Variants in CTNNA3 observed in about 807,000 individuals in gnomAD.
The protein encoded by CTNNA3 is catenin alpha-3.
A neutral mutation model predicts 95.7 loss-of-function variants in CTNNA3; 76 were observed. The observed-to-expected ratio is 0.79, with a 90% CI of 0.66 to 0.96. The LOEUF is 0.96. Ranked by LOEUF, CTNNA3 falls within the 40% of genes least tolerant of loss-of-function variation. The pLI is 0.00. For missense variants in CTNNA3, 1,191 were observed against 1,089.8 expected, an observed-to-expected ratio of 1.09 and a Z score of -1.31; for synonymous variants, 431 against 374.4, an observed-to-expected ratio of 1.15 and a Z score of -1.74.
chr10:66,361,611 C>T (rs148330140), intron 12 of CTNNA3, among the ~76,000 whole-genome samples: 2,203 of 151,416 alleles, frequency 0.015, 20 homozygotes, highest in Non-Finnish European at 0.02. Flanking sequence ...AATCTTGGCT[C>T]ACTGCAACCT....
intron 17 of CTNNA3, among the ~76,000 whole-genome samples, chr10:65,933,273 A>G (rs984841609): frequency 2.0e-5 from 3 of 152,166 alleles, no homozygotes; most frequent in Non-Finnish European, 2.9e-5. Flanking sequence ...AAGAGCCATA[A>G]TTTGATAGTA....
chr10:67,696,822 T>A (rs1355878943), upstream of CTNNA3, among the ~76,000 whole-genome samples: 1 of 152,158 alleles, frequency 6.6e-6, no homozygotes. Context: ...TATCTTCACA[T>A]CCACTGAAAC....
intron 15 of CTNNA3, among the ~76,000 whole-genome samples, chr10:66,046,647 G>A (rs569048431): frequency 6.6e-5 from 10 of 151,234 alleles, no homozygotes; most frequent in Middle Eastern, 3.4e-3. Context: ...ATCAAGACAC[G>A]CAAAAAATTC....
chr10:66,915,512 A>G lies in CTNNA3; in HGVS notation c.1048-139988T>C, dbSNP rs1031432419. Among the ~76,000 whole-genome samples, 3 of 152,098 alleles carry G rather than the reference A, an allele frequency of 2.0e-5. No homozygotes were observed. The East Asian group carries it at 5.8e-4, about 30-fold the overall frequency. On this transcript the variant is annotated intron_variant, in intron 7 of 17. Transcript: ENST00000433211. ...AAAATCTATTAGTGGAAGGTGCTTC[A>G]ACAAAATGAGTGGTAAACTAAGAAA...
intron 13 of CTNNA3, among the ~76,000 whole-genome samples, chr10:66,162,139 C>T (rs1589601205): frequency 6.6e-6 from 1 of 151,810 alleles, no homozygotes; most frequent in African/African-American, 2.4e-5. Context: ...TTGCATTGGG[C>T]TTTGCCTTTC....
At chr10:67,050,164 C>T (rs1201524945) in intron 7 of CTNNA3, among the ~76,000 whole-genome samples, 1 of 152,174 alleles carries the variant, frequency 6.6e-6, no homozygotes, top group Non-Finnish European at 1.5e-5. Flanking sequence ...GCACATAGTG[C>T]ATGCAGAATG....
At chr10:66,990,035 C>A (rs1045827406) in intron 7 of CTNNA3, among the ~76,000 whole-genome samples, 8 of 152,110 alleles carry the variant, frequency 5.3e-5, no homozygotes, top group Admixed American at 5.2e-4. Context: ...AATAATAATC[C>A]TTGCATAAAA....
In CTNNA3 at chr10:67,137,250, T is replaced by A. The variant is rs568269347; in HGVS notation, c.1047+43067A>T. Among the ~76,000 whole-genome samples, 199 of 152,298 alleles carry A rather than the reference T, an allele frequency of 1.3e-3. 2 individuals carry two copies. Among genetic ancestry groups the A allele is most frequent in the African/African-American group, 4.6e-3 (192 of 41,560 alleles). On this transcript the variant is annotated intron_variant, in intron 7 of 17. Coordinates refer to ENST00000433211, the MANE Select transcript of CTNNA3 (RefSeq NM_013266.4). Reference sequence around the variant, plus strand: ...GTATGTTAGCTATTGTAATAAAAGTTTATATATTGTTTATATATTGTTTTT... The same window carrying A: ...GTATGTTAGCTATTGTAATAAAAGTATATATATTGTTTATATATTGTTTTT...
chr10:67,476,140 G>A (rs1365528194), intron 5 of CTNNA3, among the ~76,000 whole-genome samples: 1 of 152,146 alleles, frequency 6.6e-6, no homozygotes, highest in Non-Finnish European at 1.5e-5. Flanking sequence ...TGGCAACTTG[G>A]CCTATAAAAT....
intron 1 of CTNNA3, among the ~76,000 whole-genome samples, chr10:67,703,442 T>C (rs1841057445): frequency 6.6e-6 from 1 of 152,100 alleles, no homozygotes; most frequent in Non-Finnish European, 1.5e-5. Context: ...CAAGTGGGCT[T>C]CATCCCTGGG....
chr10:67,740,624 A>G (rs1841331584), intron 1 of CTNNA3, among the ~76,000 whole-genome samples: 1 of 151,452 alleles, frequency 6.6e-6, no homozygotes, highest in Non-Finnish European at 1.5e-5. Context: ...ATCTCACACC[A>G]GTTAGAATGG....
chr10:67,342,403 G>A lies in CTNNA3; in HGVS notation c.580-122533C>T, dbSNP rs1842242984. ...AGGCGTGAGCCACCGCACCCGGCCTGTTGGTTGTATCTTTAGCTGAGTGAA... is the reference window on the plus strand; with the variant it reads ...AGGCGTGAGCCACCGCACCCGGCCTATTGGTTGTATCTTTAGCTGAGTGAA... On this transcript the variant is annotated intron_variant, in intron 5 of 17. Transcript: ENST00000433211. Among the ~76,000 whole-genome samples, 9 of 152,138 alleles carry A rather than the reference G, an allele frequency of 5.9e-5. No individual in the cohort carries two copies. The South Asian group carries it at 1.7e-3, about 28-fold the overall frequency.
chr10:67,726,318 T>TGTG (rs1841215806), intron 1 of CTNNA3, among the ~76,000 whole-genome samples: 1 of 70,586 alleles, frequency 1.4e-5, no homozygotes, highest in Non-Finnish European at 2.3e-5. Context: ...ACATATTATA[T>TGTG]ATATTATCTT....
chr10:66,231,383 A>T (rs1389606939), intron 13 of CTNNA3, among the ~76,000 whole-genome samples: 1 of 152,174 alleles, frequency 6.6e-6, no homozygotes, highest in Non-Finnish European at 1.5e-5. Context: ...CATAAGATTT[A>T]CTGAATCGTA....
chr10:66,059,985 A>G (rs1030025994), intron 15 of CTNNA3, among the ~76,000 whole-genome samples: 14 of 152,056 alleles, frequency 9.2e-5, no homozygotes, highest in African/African-American at 3.4e-4. Flanking sequence ...TTATTTTTGC[A>G]AAGATAATAT....
At chr10:66,517,130 G>A (rs1425154333) in intron 11 of CTNNA3, among the ~76,000 whole-genome samples, 1 of 152,094 alleles carries the variant, frequency 6.6e-6, no homozygotes, top group Non-Finnish European at 1.5e-5. Context: ...GCTGAGGCAG[G>A]AGAATTGCTT....
At chr10:66,869,659 G>A (rs992168827) in intron 7 of CTNNA3, among the ~76,000 whole-genome samples, 2 of 151,992 alleles carry the variant, frequency 1.3e-5, no homozygotes, top group Non-Finnish European at 2.9e-5. Flanking sequence ...ACAAACTGGG[G>A]TCAGGTTGGA....
At chr10:66,346,211 G>GTATATATATA (rs368554085) in intron 12 of CTNNA3, among the ~76,000 whole-genome samples, 29 of 105,488 alleles carry the variant, frequency 2.7e-4, no homozygotes, top group African/African-American at 5.1e-4. Flanking sequence ...ATGTGTGTGT[G>GTATATATATA]TATATATATA....
chr10:66,133,576 G>T (rs1372334509), intron 13 of CTNNA3, among the ~76,000 whole-genome samples: 4 of 150,364 alleles, frequency 2.7e-5, no homozygotes, highest in Non-Finnish European at 4.4e-5. Context: ...AAGCGAGAAA[G>T]CATCTAAGAA....
Sources: gnomAD v4.1 joint callset for allele counts (sites outside exome capture counted in the v4.1 genomes callset) on GRCh38, gnomAD v4.1.1 for gene constraint, MANE v1.5 for transcripts, NCBI Gene and HGNC (gene_info 2026-07-23, HGNC 2026-07-21) for gene names.